The following PDPR variants were observed in gnomAD, a reference collection of about 807,000 sequenced individuals.
PDPR encodes the protein pyruvate dehydrogenase phosphatase regulatory subunit, mitochondrial.
In PDPR, 50 loss-of-function variants were observed where a neutral mutation model predicts 102.2. The ratio of observed to expected loss-of-function variants is 0.49; its 90% CI spans 0.39 to 0.62. The LOEUF (loss-of-function observed/expected upper bound fraction) is 0.62. PDPR is among the 20% of genes least tolerant of loss of function. PDPR has a pLI of 0.00. For missense variants in PDPR, 625 were observed against 1,098.2 expected, an observed-to-expected ratio of 0.57 and a Z score of 6.09; for synonymous variants, 259 against 406.0, an observed-to-expected ratio of 0.64 and a Z score of 4.35.
chr16:70,128,259 ACT>A (rs1383359070), intron 4 of PDPR, among the ~76,000 whole-genome samples: 1 of 151,378 alleles, frequency 6.6e-6, no homozygotes, highest in Non-Finnish European at 1.5e-5. Context: ...ACAAAGTCTC[ACT>A]CTGTTACCCA....
intron 3 of PDPR, among the ~76,000 whole-genome samples, chr16:70,126,470 TCTC>T (rs1444114318): frequency 6.6e-6 from 1 of 152,238 alleles, no homozygotes; most frequent in African/African-American, 2.4e-5. Context: ...TTCATGCCAT[TCTC>T]CTTCCTCAGC....
intron 17 of PDPR, among the ~76,000 whole-genome samples, chr16:70,149,246 GTT>G (rs372335620): frequency 1.4e-5 from 2 of 146,978 alleles, no homozygotes; most frequent in African/African-American, 2.5e-5. Flanking sequence ...TCTTCATCCT[GTT>G]TTTTTTTTTT....
At chr16:70,162,796 C>T (rs1164021760), downstream of PDPR, among the ~76,000 whole-genome samples, 1 of 152,264 alleles carries the variant, frequency 6.6e-6, no homozygotes, top group African/African-American at 2.4e-5. Flanking sequence ...GAACCTGCCA[C>T]CTGATGTTCC....
chr16:70,147,256 C>T (rs1966313435), intron 16 of PDPR, among the ~76,000 whole-genome samples: 1 of 142,714 alleles, frequency 7.0e-6, no homozygotes, highest in South Asian at 2.2e-4. Flanking sequence ...ATTTTTTACA[C>T]TCCAAGCTTG....
intron 6 of PDPR, among the ~76,000 whole-genome samples, chr16:70,129,577 G>A (rs1487796745): frequency 1.3e-5 from 2 of 152,272 alleles, no homozygotes; most frequent in Non-Finnish European, 2.9e-5. Context: ...TTGAACTCCT[G>A]ACCTCAGATG....
intron 7 of PDPR, among the ~76,000 whole-genome samples, chr16:70,130,961 C>T (rs1342758414): frequency 6.6e-6 from 1 of 152,280 alleles, no homozygotes; most frequent in East Asian, 1.9e-4. Context: ...CCGAAGTGAA[C>T]TAAGAAATAC....
At chr16:70,155,818 T>TTG (rs1967105348) in intron 18 of PDPR, among the ~76,000 whole-genome samples, 5 of 152,138 alleles carry the variant, frequency 3.3e-5, no homozygotes. Flanking sequence ...TTTTTTTTTT[T>TTG]TGAGACAGAG....
At chr16:70,133,434 T>TTTTTTTTTTTTTTTGG (rs3972154) in intron 9 of PDPR, among the ~76,000 whole-genome samples, 2 of 143,694 alleles carry the variant, frequency 1.4e-5, no homozygotes, top group African/African-American at 2.6e-5. Context: ...TTTTTTTTTT[T>TTTTTTTTTTTTTTTGG]GAGATAAGAG....
At chr16:70,149,099 C>T (rs1242033537) in intron 17 of PDPR, among the ~76,000 whole-genome samples, 9 of 150,600 alleles carry the variant, frequency 6.0e-5, no homozygotes, top group Non-Finnish European at 8.9e-5. Context: ...TTTGCCATGT[C>T]GCTCAAGCTG....
intron 17 of PDPR, among the ~76,000 whole-genome samples, chr16:70,149,529 G>C (rs1444753761): frequency 3.9e-5 from 6 of 152,224 alleles, no homozygotes; most frequent in African/African-American, 7.2e-5. Flanking sequence ...GCCTCCCAAA[G>C]TGCTGGGATT....
intron 9 of PDPR, among the ~76,000 whole-genome samples, chr16:70,135,568 G>A (rs2152089929): frequency 6.6e-6 from 1 of 152,382 alleles, no homozygotes; most frequent in East Asian, 1.9e-4. Flanking sequence ...AATCTCTGTG[G>A]CCGCCATTTA....
rs201230406 is a variant in PDPR, at chr16:70,148,602, C to T, written c.2052+49C>T. ...CTTCCCTTCACTTCCCTTCCCTTCC[C>T]TTCCCTTCCCTTCCCACAACCACTG... On this transcript the variant is annotated intron_variant, in intron 17 of 18. Transcript: ENST00000288050. 2,709 of 1,485,390 alleles carry T rather than the reference C, an allele frequency of 1.8e-3. 9 individuals are homozygous for T. The East Asian group carries it at 0.025, about 14-fold the overall frequency. 92.0% of individuals were successfully genotyped at this position (1,485,390 alleles called of 1,614,324 possible). A position where few individuals can be genotyped will look rare whatever the true frequency, so the allele number is the denominator to read the frequency against.
chr16:70,148,538 C>T lies in PDPR; in HGVS notation c.2037C>T (p.Leu679=). 2 of 1,612,386 alleles carry T rather than the reference C, an allele frequency of 1.2e-6. No homozygotes were observed. The highest frequency in any genetic ancestry group is 1.7e-6 in the Non-Finnish European group (2 of 1,178,824). Residue 679 remains leucine, a synonymous_variant, in exon 17 of 19, where the codon CTC becomes CTT. Transcript: ENST00000288050. ...MTHTGEPGFM[L]YIPIEYALHV... ...ACACAGGAGAGCCAGGATTCATGCT[C>T]TACATCCCCATAGAGGTGAGAGGGC...
intron 13 of PDPR, among the ~76,000 whole-genome samples, chr16:70,143,294 G>T (rs1393287408): frequency 6.6e-6 from 1 of 152,272 alleles, no homozygotes; most frequent in Non-Finnish European, 1.5e-5. Flanking sequence ...TTAGCTCCTT[G>T]TTTCAGGTTT....
chr16:70,123,343 C>T (rs1268958695), intron 3 of PDPR, among the ~76,000 whole-genome samples: 2 of 152,242 alleles, frequency 1.3e-5, no homozygotes, highest in African/African-American at 4.8e-5. Flanking sequence ...CTCAAGTGAT[C>T]CTCCCACCAC....
intron 17 of PDPR, 34 bp from the exon 18 acceptor site, chr16:70,153,357 C>T: frequency 6.3e-7 from 1 of 1,592,184 alleles, no homozygotes; most frequent in Non-Finnish European, 8.6e-7. Context: ...TTCTGAAGGT[C>T]TGCTGCTTAT....
At chr16:70,139,475 C>T (rs8063897) in intron 11 of PDPR, among the ~76,000 whole-genome samples, 2,834 of 151,572 alleles carry the variant, frequency 0.019, 24 homozygotes, top group African/African-American at 0.065. Flanking sequence ...GAGAATTTGC[C>T]GAGTTATTCT....
chr16:70,159,571 G>C lies in PDPR; in HGVS notation c.*2692G>C, dbSNP rs112791482. ...GTGAGTCTGGTGGTTTTCTGTGATT[G>C]GTCTAATGTGAGCTCTTTGAACAGA... On this transcript the variant is annotated 3_prime_UTR_variant, in exon 19 of 19. Coordinates refer to ENST00000288050, the MANE Select transcript of PDPR (RefSeq NM_017990.5). 2,490 of 152,830 alleles carry C rather than the reference G, an allele frequency of 0.016. No homozygotes were observed. The highest frequency in any genetic ancestry group is 0.026 in the Non-Finnish European group (1,748 of 68,410). The allele number at this position is 152,830 out of a possible 1,614,324, so 9.5% of individuals were successfully genotyped here.
chr16:70,150,103 T>C (rs1390316726), intron 17 of PDPR, among the ~76,000 whole-genome samples: 3 of 129,672 alleles, frequency 2.3e-5, no homozygotes, highest in South Asian at 2.4e-4. Context: ...TTTTTTTTTT[T>C]TTTTCTTTTT....
Sources: allele counts gnomAD v4.1 joint callset (sites outside exome capture counted in the v4.1 genomes callset), GRCh38; gene constraint gnomAD v4.1.1; transcripts MANE v1.5; gene names NCBI Gene and HGNC (gene_info 2026-07-23, HGNC 2026-07-21).